Variants in THUMPD2 observed in about 807,000 individuals in gnomAD.
THUMPD2 encodes THUMP domain 2 tRNA and snRNA guanosine methyltransferase.
In THUMPD2, 56 loss-of-function variants were observed where a neutral mutation model predicts 49.4. The observed-to-expected ratio is 1.13, with a 90% CI of 0.91 to 1.41. The LOEUF (loss-of-function observed/expected upper bound fraction) is 1.41. Ranked by LOEUF, THUMPD2 falls within the 40% of genes most tolerant of loss-of-function variation. The pLI is 0.00. For synonymous variants in THUMPD2, 237 were observed against 205.2 expected (o/e 1.15, Z -1.32); for missense variants, 709 against 594.5 (o/e 1.19, Z -2.00).
At chr2:39,765,148 G>A (rs982578747) in intron 5 of THUMPD2, among the ~76,000 whole-genome samples, 2 of 151,920 alleles carry the variant, frequency 1.3e-5, no homozygotes, top group African/African-American at 4.8e-5. Flanking sequence ...CTACGGGTGA[G>A]ATACTCTTCC....
At chr2:39,777,413 G>A (rs904034283) in intron 1 of THUMPD2, among the ~76,000 whole-genome samples, 5 of 152,192 alleles carry the variant, frequency 3.3e-5, no homozygotes, top group African/African-American at 9.6e-5. Context: ...TAGCCTAGTG[G>A]TAAAGCACAT....
At chr2:39,772,444 A>C (rs556498323) in intron 1 of THUMPD2, among the ~76,000 whole-genome samples, 2 of 152,298 alleles carry the variant, frequency 1.3e-5, no homozygotes, top group South Asian at 4.1e-4. Flanking sequence ...ATGTGATGCT[A>C]GAGGGAGAAG....
At chr2:39,777,275 CA>C (rs1679237199) in intron 1 of THUMPD2, among the ~76,000 whole-genome samples, 1 of 152,124 alleles carries the variant, frequency 6.6e-6, no homozygotes, top group Admixed American at 6.6e-5. Context: ...CCCAAAGTTA[CA>C]AATCCACTAA....
chr2:39,769,805 T>C lies in THUMPD2; in HGVS notation c.577A>G (p.Ile193Val). The C allele has an allele frequency of 1.9e-6, 3 of 1,611,720 alleles. No homozygotes were observed. Among genetic ancestry groups the C allele is most frequent in the Non-Finnish European group, 2.5e-6 (3 of 1,179,452 alleles). The change falls in exon 3 of 10, where the codon ATA (isoleucine) becomes GTA (valine). Residue 193 changes from isoleucine to valine, a missense_variant. Ile to Val is a conservative substitution (Grantham distance 29, BLOSUM62 3). Coordinates refer to ENST00000505747, the MANE Select transcript of THUMPD2 (RefSeq NM_025264.5). ...KFQEEEFQND[I>V]EKAIDTHNQN... ...TTATGAGTATCAATTGCTTTCTCTA[T>C]GTCATTCTGAAATTCTTCTTCTTGA...
chr2:39,765,004 T>A (rs932109025), intron 5 of THUMPD2, among the ~76,000 whole-genome samples: 4 of 152,152 alleles, frequency 2.6e-5, no homozygotes, highest in African/African-American at 9.7e-5. Context: ...ATCAAATACC[T>A]TTTAAAAAAC....
In THUMPD2 at chr2:39,775,455, A is replaced by G. The variant is rs543337295; in HGVS notation, c.126+3659T>C. Among the ~76,000 whole-genome samples, 3 of 152,280 alleles carry G rather than the reference A, an allele frequency of 2.0e-5. No individual in the cohort carries two copies. The East Asian group carries it at 5.8e-4, about 29-fold the overall frequency. ...TTATTTTAGAAGAAGGAATTCAAAAATATGTTTCACTTAATTTGTAAAAAG... is the reference window on the plus strand; with the variant it reads ...TTATTTTAGAAGAAGGAATTCAAAAGTATGTTTCACTTAATTTGTAAAAAG... On this transcript the variant is annotated intron_variant, in intron 1 of 9. Coordinates refer to ENST00000505747, the MANE Select transcript of THUMPD2 (RefSeq NM_025264.5).
chr2:39,757,799 A>T (rs1345033206), intron 6 of THUMPD2, among the ~76,000 whole-genome samples: 1 of 152,188 alleles, frequency 6.6e-6, no homozygotes, highest in African/African-American at 2.4e-5. Context: ...AATAACAAAC[A>T]TCCCATTTTT....
chr2:39,754,569 T>C (rs896846507), intron 8 of THUMPD2, among the ~76,000 whole-genome samples: 1 of 152,190 alleles, frequency 6.6e-6, no homozygotes, highest in African/African-American at 2.4e-5. Flanking sequence ...TACCTGGGAA[T>C]TAAATTCACT....
At chr2:39,766,233 T>G in intron 4 of THUMPD2, 124 bp from the exon 5 acceptor site, 4 of 573,632 alleles carry the variant, frequency 7.0e-6, no homozygotes, top group Non-Finnish European at 1.2e-5. Flanking sequence ...CAAGGCCTTA[T>G]TCATCATATC....
intron 1 of THUMPD2, among the ~76,000 whole-genome samples, chr2:39,776,457 G>C (rs901742398): frequency 1.3e-5 from 2 of 150,140 alleles, no homozygotes; most frequent in Admixed American, 6.7e-5. Context: ...GCAGTGGCGC[G>C]ATCTTGGCTC....
intron 5 of THUMPD2, among the ~76,000 whole-genome samples, chr2:39,763,479 G>C (rs1444744981): frequency 6.6e-6 from 1 of 151,762 alleles, no homozygotes. Flanking sequence ...TATCTACTTG[G>C]ACATTTTTCA....
chr2:39,750,803 G>A (rs1367937252), intron 8 of THUMPD2, among the ~76,000 whole-genome samples: 2 of 152,144 alleles, frequency 1.3e-5, no homozygotes, highest in African/African-American at 4.8e-5. Context: ...CAGTGATATC[G>A]CCATGGCCTT....
At chr2:39,773,827 A>G (rs1405387491) in intron 1 of THUMPD2, among the ~76,000 whole-genome samples, 2 of 152,110 alleles carry the variant, frequency 1.3e-5, no homozygotes, top group Non-Finnish European at 2.9e-5. Flanking sequence ...CTCAAAACCA[A>G]AAGCAGCAAC....
At chr2:39,756,056 A>G (rs1421254082) in intron 6 of THUMPD2, 96 bp from the exon 7 acceptor site, 11 of 1,169,714 alleles carry the variant, frequency 9.4e-6, no homozygotes, top group Non-Finnish European at 1.4e-5. Context: ...TTCAAGAGGA[A>G]AGATTACATT....
At chr2:39,765,992 A>G in intron 5 of THUMPD2, 65 bp downstream of exon 5, 4 of 1,334,106 alleles carry the variant, frequency 3.0e-6, no homozygotes, top group Non-Finnish European at 4.2e-6. Context: ...GCTGTAAATA[A>G]AAAACACAAG....
At position 39,737,060 on chromosome 2, in the gene THUMPD2, CTG is replaced by C. The variant is rs1244541776; in HGVS notation, c.1188-3_1188-2del. On this transcript the variant is annotated splice_acceptor_variant and splice_polypyrimidine_tract_variant and intron_variant, in intron 9 of 9. Transcript: ENST00000505747. LOFTEE classifies it high-confidence loss of function. ...AATGGTTCCGCCAACATGAAGCACT[CTG>C]TGACAAAAAAAAAATGGTAATTGCT... The C allele has an allele frequency of 6.3e-7, 1 of 1,579,940 alleles. No homozygotes were observed. The highest frequency in any genetic ancestry group is 8.6e-7 in the Non-Finnish European group (1 of 1,162,540).
intron 8 of THUMPD2, among the ~76,000 whole-genome samples, chr2:39,753,701 TCTCA>T (rs1426180708): frequency 6.6e-6 from 1 of 152,190 alleles, no homozygotes. Context: ...ATGTTCTCTC[TCTCA>T]TAGTCCACAT....
At chr2:39,769,647 A>G (rs183589976) in intron 3 of THUMPD2, 63 bp downstream of exon 3, 17,000 of 1,439,796 alleles carry the variant, frequency 0.012, 177 homozygotes, top group Middle Eastern at 0.033. Context: ...GGTTGCAGTG[A>G]GCCAGATTGT....
chr2:39,765,983 C>T (rs1377377793), intron 5 of THUMPD2, 74 bp downstream of exon 5: 17 of 1,177,140 alleles, frequency 1.4e-5, no homozygotes, highest in Admixed American at 2.4e-5. Flanking sequence ...TTCATTCATG[C>T]TGTAAATAAA....
Sources: allele counts gnomAD v4.1 joint callset (sites outside exome capture counted in the v4.1 genomes callset), GRCh38; gene constraint gnomAD v4.1.1; transcripts MANE v1.5; gene names NCBI Gene and HGNC (gene_info 2026-07-23, HGNC 2026-07-21).